CFAP418: variants seen among roughly 807,000 people sequenced by gnomAD.
CFAP418 encodes the protein cilia and flagella associated protein 418, also known as cilia- and flagella-associated protein 418.
In CFAP418, 27 loss-of-function variants were observed where a neutral mutation model predicts 24.7. That is an observed-to-expected ratio of 1.09 (90% confidence interval 0.81 to 1.51). The LOEUF is 1.51. Ranked by LOEUF, CFAP418 falls within the 40% of genes most tolerant of loss-of-function variation. The probability of loss-of-function intolerance (pLI) is 0.00; values close to 1 mark genes in which losing one functional copy is unlikely to be tolerated. For missense variants in CFAP418, 257 were observed against 255.2 expected (o/e 1.01, Z -0.05); for synonymous variants, 74 against 87.3 (o/e 0.85, Z 0.85).
chr8:95,267,627 G>A (rs1812016288), intron 1 of CFAP418, among the ~76,000 whole-genome samples: 1 of 152,046 alleles, frequency 6.6e-6, no homozygotes, highest in Admixed American at 6.5e-5. Flanking sequence ...TATCACTGGA[G>A]GTAAGCCAGG....
intron 1 of CFAP418, chr8:95,268,698 G>T (rs916867515): frequency 1.2e-5 from 2 of 166,918 alleles, no homozygotes; most frequent in Non-Finnish European, 2.5e-5. Flanking sequence ...AACCTCCTAC[G>T]CGCTGGCAGC....
chr8:95,260,048 AT>A, intron 3 of CFAP418, 143 bp from the exon 4 acceptor site: 1 of 622,804 alleles, frequency 1.6e-6, no homozygotes, highest in Non-Finnish European at 2.8e-6. Flanking sequence ...CAAGCCAACC[AT>A]TTCAAAGAAG....
At chr8:95,250,252 G>A (rs1204720429) in intron 5 of CFAP418, among the ~76,000 whole-genome samples, 1 of 152,174 alleles carries the variant, frequency 6.6e-6, no homozygotes, top group African/African-American at 2.4e-5. Context: ...TAAGTGTCTT[G>A]AGAACTGAGA....
chr8:95,267,872 T>A (rs971109098), intron 1 of CFAP418, among the ~76,000 whole-genome samples: 3 of 150,436 alleles, frequency 2.0e-5, no homozygotes, highest in Admixed American at 2.0e-4. Flanking sequence ...TATGCAAACA[T>A]TTTGTTTTTT....
intron 5 of CFAP418, 103 bp downstream of exon 5, chr8:95,252,085 A>C (rs749524558): frequency 1.2e-6 from 1 of 802,396 alleles, no homozygotes. Context: ...TGAAGAGGTG[A>C]AGCCCACAAG....
chr8:95,258,859 G>GTTTATA (rs1163906436), intron 4 of CFAP418, among the ~76,000 whole-genome samples: 5 of 152,196 alleles, frequency 3.3e-5, no homozygotes, highest in Non-Finnish European at 7.3e-5. Context: ...TGCTACACAG[G>GTTTATA]TTTATAGCCT....
chr8:95,268,967 C>G, intron 1 of CFAP418, 68 bp downstream of exon 1: 1 of 1,521,412 alleles, frequency 6.6e-7, no homozygotes, highest in Middle Eastern at 1.9e-4. Flanking sequence ...GGTTGGGCGG[C>G]GGAGGGGCAG....
At chr8:95,260,862 A>G (rs943219394) in intron 2 of CFAP418, among the ~76,000 whole-genome samples, 1 of 152,324 alleles carries the variant, frequency 6.6e-6, no homozygotes, top group South Asian at 2.1e-4. Context: ...AGGACCTGCT[A>G]TTTAAAACTT....
At chr8:95,261,132 T>C (rs1353283379) in intron 2 of CFAP418, among the ~76,000 whole-genome samples, 1 of 152,162 alleles carries the variant, frequency 6.6e-6, no homozygotes, top group Non-Finnish European at 1.5e-5. Flanking sequence ...AACTGGTATA[T>C]GGTACCAAAC....
At chr8:95,268,327 CGTAATCCCAGATTACAGGCTCGTGCCT>C (rs1412531541) in intron 1 of CFAP418, among the ~76,000 whole-genome samples, 16 of 151,922 alleles carry the variant, frequency 1.1e-4, no homozygotes, top group African/African-American at 2.4e-4. Flanking sequence ...TCCCAGTTTA[CGTAATCCCAGATTACAGGCTCGTGCCT>C]GTAATCCCAG....
At position 95,252,204 on chromosome 8, in the gene CFAP418, C is replaced by T; in HGVS notation, c.454G>A (p.Asp152Asn). 3.7e-6 allele frequency: 6 copies of T among 1,611,942 alleles called. No homozygotes were observed. The highest frequency in any genetic ancestry group is 5.1e-6 in the Non-Finnish European group (6 of 1,178,962). ...YDDYMWDKSCDYLFFRNNMPE... is the reference protein window; with the variant it reads ...YDDYMWDKSCNYLFFRNNMPE... ...GCAACATACCTGAAAAACAGATAAT[C>T]ACACGATTTGTCCCACATATAGTCA... Residue 152 changes from aspartate (D) to asparagine (N), a missense_variant, in exon 5 of 6, where the codon GAT (aspartate) becomes AAT (asparagine). Coordinates refer to ENST00000286688, the MANE Select transcript of CFAP418 (RefSeq NM_177965.4).
chr8:95,254,961 T>C (rs571621926), intron 4 of CFAP418, among the ~76,000 whole-genome samples: 2 of 152,354 alleles, frequency 1.3e-5, no homozygotes, highest in South Asian at 2.1e-4. Flanking sequence ...CTGAATTCTG[T>C]CAATTCTATA....
intron 2 of CFAP418, among the ~76,000 whole-genome samples, chr8:95,262,787 G>T (rs892088212): frequency 6.6e-6 from 1 of 152,108 alleles, no homozygotes; most frequent in African/African-American, 2.4e-5. Context: ...GCCATGTAAA[G>T]ATATCTAATG....
At chr8:95,252,123 AT>A in intron 5 of CFAP418, 64 bp downstream of exon 5, 1 of 1,223,128 alleles carries the variant, frequency 8.2e-7, no homozygotes, top group Non-Finnish European at 1.2e-6. Context: ...CAGAGAGAAT[AT>A]ATCAAAATAG....
chr8:95,248,691 T>C (rs1360464608), intron 5 of CFAP418, among the ~76,000 whole-genome samples: 1 of 152,158 alleles, frequency 6.6e-6, no homozygotes, highest in Non-Finnish European at 1.5e-5. Flanking sequence ...AATTATGATT[T>C]CATGATAATC....
At position 95,247,722 on chromosome 8, in the gene CFAP418, CTTCT is replaced by C. The variant is rs1248203825; in HGVS notation, c.515_518del (p.Lys172ArgfsTer19). 6.2e-7 allele frequency: 1 copy of C among 1,612,268 alleles called. No individual in the cohort carries two copies. The highest frequency in any genetic ancestry group is 8.5e-7 in the Non-Finnish European group (1 of 1,179,454). On this transcript the variant is annotated frameshift_variant, in exon 6 of 6. Transcript: ENST00000286688. LOFTEE classifies it high-confidence loss of function. Reference sequence around the variant, plus strand: ...GGCAGGCATATGCCCGTGTTCCTTTCTTCTTTATCAACTTTGCTTTTAATTTGTG... The same window carrying C: ...GGCAGGCATATGCCCGTGTTCCTTTCTTATCAACTTTGCTTTTAATTTGTG...
intron 4 of CFAP418, among the ~76,000 whole-genome samples, chr8:95,256,563 G>C (rs1326598287): frequency 1.3e-5 from 2 of 152,200 alleles, no homozygotes; most frequent in African/African-American, 4.8e-5. Context: ...GCAGAGTGAG[G>C]CTTTGAACTC....
chr8:95,254,028 C>T (rs2132156748), intron 4 of CFAP418, among the ~76,000 whole-genome samples: 1 of 152,154 alleles, frequency 6.6e-6, no homozygotes, highest in South Asian at 2.1e-4. Context: ...CTATTCACAC[C>T]ACCACATTTT....
chr8:95,262,698 A>ATT (rs1685086023), intron 2 of CFAP418, among the ~76,000 whole-genome samples: 1 of 152,200 alleles, frequency 6.6e-6, no homozygotes, highest in East Asian at 1.9e-4. Flanking sequence ...AAAGTTGAAG[A>ATT]TGAGCACACC....
Sources: allele counts gnomAD v4.1 joint callset (sites outside exome capture counted in the v4.1 genomes callset), GRCh38; gene constraint gnomAD v4.1.1; transcripts MANE v1.5; gene names NCBI Gene and HGNC (gene_info 2026-07-23, HGNC 2026-07-21).